RSRC1: variants seen among roughly 807,000 people sequenced by gnomAD.
RSRC1 encodes the protein arginine and serine rich coiled-coil 1.
In RSRC1, 39 loss-of-function variants were observed where a neutral mutation model predicts 49.1. The ratio of observed to expected loss-of-function variants is 0.79; its 90% CI spans 0.61 to 1.04. The LOEUF (loss-of-function observed/expected upper bound fraction) is 1.04. Ranked by LOEUF, RSRC1 falls within the 50% of genes least tolerant of loss-of-function variation. The pLI, the probability that RSRC1 is intolerant of heterozygous loss-of-function variation, is 0.00. For synonymous variants in RSRC1, 143 were observed against 130.8 expected, an observed-to-expected ratio of 1.09 and a Z score of -0.63; for missense variants, 388 against 402.4, an observed-to-expected ratio of 0.96 and a Z score of 0.31.
chr3:158,542,617 A>G (rs1713097718), intron 8 of RSRC1, among the ~76,000 whole-genome samples: 1 of 152,324 alleles, frequency 6.6e-6, no homozygotes, highest in Admixed American at 6.5e-5. Context: ...AATGTCTAGA[A>G]TAGGCAAATC....
At chr3:158,341,844 G>T (rs1237640718) in intron 5 of RSRC1, among the ~76,000 whole-genome samples, 1 of 152,074 alleles carries the variant, frequency 6.6e-6, no homozygotes, top group African/African-American at 2.4e-5. Context: ...GCAAAGTCAC[G>T]GGGTGGAGCT....
At chr3:158,298,728 T>C (rs1326061716) in intron 5 of RSRC1, among the ~76,000 whole-genome samples, 1 of 152,150 alleles carries the variant, frequency 6.6e-6, no homozygotes, top group Non-Finnish European at 1.5e-5. Flanking sequence ...ATTACAACAT[T>C]AAGTAGTTCA....
chr3:158,294,439 TGTTTA>T (rs200913872), intron 4 of RSRC1, among the ~76,000 whole-genome samples: 1,671 of 152,310 alleles, frequency 0.011, 16 homozygotes, highest in South Asian at 0.03. Context: ...TTTACATTCT[TGTTTA>T]GTTTATTCTC....
chr3:158,129,463 G>A (rs2108176791), intron 3 of RSRC1, among the ~76,000 whole-genome samples: 1 of 151,756 alleles, frequency 6.6e-6, no homozygotes, highest in East Asian at 1.9e-4. Context: ...GCTAATTTTT[G>A]TAATTTTTGG....
intron 3 of RSRC1, among the ~76,000 whole-genome samples, chr3:158,154,187 A>C (rs922759476): frequency 1.4e-4 from 21 of 152,170 alleles, no homozygotes; most frequent in Non-Finnish European, 4.4e-5. Context: ...ATTGTGTTTA[A>C]AAAACAATGT....
intron 7 of RSRC1, among the ~76,000 whole-genome samples, chr3:158,513,599 C>T (rs553114502): frequency 7.2e-5 from 11 of 152,054 alleles, no homozygotes; most frequent in Middle Eastern, 3.4e-3. Flanking sequence ...TGTCTCTGCC[C>T]AGCTTTGGTA....
chr3:158,144,899 T>C (rs1471975956), intron 3 of RSRC1, among the ~76,000 whole-genome samples: 4 of 152,200 alleles, frequency 2.6e-5, no homozygotes, highest in Admixed American at 1.3e-4. Flanking sequence ...TGATGAGCAT[T>C]TTTTCTTGTG....
chr3:158,169,867 A>G (rs1718771873), intron 3 of RSRC1, among the ~76,000 whole-genome samples: 1 of 152,224 alleles, frequency 6.6e-6, no homozygotes, highest in Admixed American at 6.5e-5. Context: ...TTGTCAGAGA[A>G]TATAATCTTA....
intron 6 of RSRC1, among the ~76,000 whole-genome samples, chr3:158,431,412 A>G (rs548178153): frequency 9.9e-5 from 15 of 152,028 alleles, no homozygotes; most frequent in African/African-American, 3.6e-4. Flanking sequence ...GAAAAAATTA[A>G]TGGTAGATTT....
At chr3:158,280,418 G>A (rs73166376) in intron 4 of RSRC1, among the ~76,000 whole-genome samples, 32,632 of 151,888 alleles carry the variant, frequency 0.21, 3,669 homozygotes, top group South Asian at 0.32. Context: ...ATATTTGTGC[G>A]TTGGTTTTTA....
At chr3:158,217,019 G>A (rs535607309) in intron 4 of RSRC1, among the ~76,000 whole-genome samples, 55 of 151,682 alleles carry the variant, frequency 3.6e-4, no homozygotes, top group African/African-American at 1.3e-3. Context: ...ACTATTCTTA[G>A]AACTTCAGCT....
rs547239451 is a variant in RSRC1, at chr3:158,425,599, C to T, written c.584-35336C>T. ...AGAGTTCTGTAGATGTCTATTAGGTCCGCTTGGTGCAGAGCTGAGTTCAAT... is the reference window on the plus strand; with the variant it reads ...AGAGTTCTGTAGATGTCTATTAGGTTCGCTTGGTGCAGAGCTGAGTTCAAT... On this transcript the variant is annotated intron_variant, in intron 6 of 9. Transcript: ENST00000611884. Among the ~76,000 whole-genome samples, 401 of 151,932 alleles carry T rather than the reference C, an allele frequency of 2.6e-3. 4 individuals carry two copies. The highest frequency in any genetic ancestry group is 9.2e-3 in the African/African-American group (383 of 41,484).
chr3:158,467,124 A>G (rs1412360344), intron 7 of RSRC1, among the ~76,000 whole-genome samples: 3 of 152,216 alleles, frequency 2.0e-5, no homozygotes, highest in African/African-American at 4.8e-5. Flanking sequence ...TGCAACACAA[A>G]AGAGTATGAC....
At chr3:158,145,355 G>T (rs1246924108) in intron 3 of RSRC1, among the ~76,000 whole-genome samples, 2 of 152,260 alleles carry the variant, frequency 1.3e-5, no homozygotes, top group East Asian at 3.9e-4. Flanking sequence ...CATATGGCTA[G>T]CCAGTTTTCC....
rs190774031 is a variant in RSRC1, at chr3:158,275,908, A to C, written c.495-22131A>C. ...GGAACTTATGGCCCTTTCAAAGGCCACGGCTCTTTTGGCCTGCAGATGTGA... is the reference window on the plus strand; with the variant it reads ...GGAACTTATGGCCCTTTCAAAGGCCCCGGCTCTTTTGGCCTGCAGATGTGA... On this transcript the variant is annotated intron_variant, in intron 4 of 9. Coordinates refer to ENST00000611884, the MANE Select transcript of RSRC1 (RefSeq NM_001271838.2). The C allele has an allele frequency of 2.4e-4, 168 of 702,084 alleles. 1 individual carries two copies. Among genetic ancestry groups the C allele is most frequent in the Middle Eastern group, 1.2e-3 (3 of 2,588 alleles). The allele number at this position is 702,084 out of a possible 1,614,324, so 43.5% of individuals were successfully genotyped here.
In RSRC1 at chr3:158,228,824, C is replaced by CGTGTGTATAT. The variant is rs1553771598; in HGVS notation, c.494+25579_494+25580insGTGTGTATAT. ...GTATATATGTCTATGATCATAGACA[C>CGTGTGTATAT]ACGTGTGTATATATGTATATAAACA... On this transcript the variant is annotated intron_variant, in intron 4 of 9. Transcript: ENST00000611884. 3.6e-4 allele frequency among the ~76,000 whole-genome samples: 54 copies of CGTGTGTATAT among 150,486 alleles called. 26 individuals carry two copies. Among genetic ancestry groups the CGTGTGTATAT allele is most frequent in the African/African-American group, 1.3e-3 (52 of 41,006 alleles).
chr3:158,449,075 T>C (rs1384363028), intron 6 of RSRC1, among the ~76,000 whole-genome samples: 1 of 151,922 alleles, frequency 6.6e-6, no homozygotes, highest in East Asian at 1.9e-4. Context: ...CATTTTTCAA[T>C]ATCATCATTT....
At chr3:158,331,250 T>G (rs993301179) in intron 5 of RSRC1, among the ~76,000 whole-genome samples, 2 of 152,210 alleles carry the variant, frequency 1.3e-5, no homozygotes, top group African/African-American at 4.8e-5. Context: ...TTTTTCACAT[T>G]TACATATTTT....
intron 7 of RSRC1, among the ~76,000 whole-genome samples, chr3:158,512,656 T>G (rs1413732584): frequency 1.3e-5 from 2 of 150,400 alleles, no homozygotes; most frequent in African/African-American, 4.9e-5. Context: ...GTGAAGAAAC[T>G]CATTGGTAGC....
Sources: gnomAD v4.1 joint callset for allele counts (sites outside exome capture counted in the v4.1 genomes callset) on GRCh38, gnomAD v4.1.1 for gene constraint, MANE v1.5 for transcripts, NCBI Gene and HGNC (gene_info 2026-07-23, HGNC 2026-07-21) for gene names.